ITGA9: variants seen among roughly 807,000 people sequenced by gnomAD.
ITGA9 encodes the protein integrin alpha-9.
ITGA9 carries 56 observed loss-of-function variants against 127.8 expected under a neutral mutation model. The observed-to-expected ratio is 0.44, with a 90% CI of 0.35 to 0.55. The LOEUF is 0.55. ITGA9 is among the 20% of genes least tolerant of loss of function. The probability of loss-of-function intolerance (pLI) is 0.00; values close to 1 mark genes in which losing one functional copy is unlikely to be tolerated. For synonymous variants in ITGA9, 508 were observed against 514.5 expected, an observed-to-expected ratio of 0.99 and a Z score of 0.17; for missense variants, 1,196 against 1,347.1, an observed-to-expected ratio of 0.89 and a Z score of 1.76.
chr3:37,513,388 G>C (rs1430329445), intron 8 of ITGA9, among the ~76,000 whole-genome samples: 2 of 152,082 alleles, frequency 1.3e-5, no homozygotes, highest in Non-Finnish European at 2.9e-5. Flanking sequence ...TCTGGTTTAG[G>C]GGGCAGCATA....
chr3:37,542,875 T>C (rs993480310), intron 15 of ITGA9, among the ~76,000 whole-genome samples: 6 of 152,120 alleles, frequency 3.9e-5, no homozygotes, highest in African/African-American at 1.4e-4. Flanking sequence ...CTCTCCCCTC[T>C]ATGAGGCTTG....
intron 17 of ITGA9, among the ~76,000 whole-genome samples, chr3:37,659,824 A>G (rs949632473): frequency 5.9e-5 from 9 of 152,014 alleles, no homozygotes; most frequent in Non-Finnish European, 2.9e-5. Context: ...GGATTTATCT[A>G]CCTTTGGTCT....
In ITGA9 at chr3:37,732,813, C is replaced by T. The variant is rs58228096; in HGVS notation, c.2154+15C>T. 383,784 of 1,584,678 alleles carry T rather than the reference C, an allele frequency of 0.24. 47,900 individuals are homozygous for T. Among genetic ancestry groups the T allele is most frequent in the African/African-American group, 0.37 (27,478 of 74,518 alleles). ...CAAAGTCAAAGGTAAGGGACACAGA[C>T]GGGACCCTTCCTCAGCAGCAGGCCC... On this transcript the variant is annotated intron_variant, in intron 19 of 27. Transcript: ENST00000264741.
At chr3:37,555,299 A>T (rs990676052) in intron 15 of ITGA9, among the ~76,000 whole-genome samples, 1 of 152,346 alleles carries the variant, frequency 6.6e-6, no homozygotes, top group South Asian at 2.1e-4. Context: ...TCCTATCACT[A>T]TAGAGTTTTG....
In ITGA9 at chr3:37,721,149, T is replaced by G. The variant is rs528704394; in HGVS notation, c.2068-11563T>G. 5.2e-5 allele frequency among the ~76,000 whole-genome samples: 7 copies of G among 133,610 alleles called. 1 individual carries two copies. In the East Asian group the frequency reaches 1.1e-3, roughly 22 times the overall value. The allele number at this position is 133,610 out of a possible 152,430, so 87.7% of individuals were successfully genotyped here. On this transcript the variant is annotated intron_variant, in intron 18 of 27. Coordinates refer to ENST00000264741, the MANE Select transcript of ITGA9 (RefSeq NM_002207.3). ...TTTTTTTTTTTTTTTTAAGAAAAAA[T>G]CTCACTGTGGCACCCAGGCTGGAGT...
intron 16 of ITGA9, among the ~76,000 whole-genome samples, chr3:37,635,599 C>T (rs1700269857): frequency 6.7e-6 from 1 of 149,196 alleles, no homozygotes; most frequent in Admixed American, 6.8e-5. Context: ...TTATTTTTTT[C>T]CTAAATTTCT....
intron 18 of ITGA9, among the ~76,000 whole-genome samples, chr3:37,723,245 C>T (rs1701211073): frequency 6.6e-6 from 1 of 152,166 alleles, no homozygotes; most frequent in Non-Finnish European, 1.5e-5. Flanking sequence ...AAAATATTCT[C>T]ATCCTGTGGA....
intron 10 of ITGA9, among the ~76,000 whole-genome samples, 174 bp from the exon 11 acceptor site, chr3:37,519,086 C>CTTT (rs11457089): frequency 5.7e-5 from 8 of 141,346 alleles, no homozygotes; most frequent in Admixed American, 3.5e-4. Context: ...CACTGGCCTA[C>CTTT]TTTTTTTTTT....
At chr3:37,759,649 C>A (rs1696699958) in intron 23 of ITGA9, among the ~76,000 whole-genome samples, 1 of 152,074 alleles carries the variant, frequency 6.6e-6, no homozygotes, top group Admixed American at 6.5e-5. Context: ...TGCCTGTAAT[C>A]CCAGCACTTT....
chr3:37,768,118 T>C (rs974451297), intron 23 of ITGA9, among the ~76,000 whole-genome samples: 3 of 152,202 alleles, frequency 2.0e-5, no homozygotes, highest in Admixed American at 6.5e-5. Context: ...TTCATTAATA[T>C]TATTATATTT....
chr3:37,520,199 G>A (rs999337677), intron 11 of ITGA9, among the ~76,000 whole-genome samples: 1 of 152,166 alleles, frequency 6.6e-6, no homozygotes, highest in Non-Finnish European at 1.5e-5. Context: ...GTTAAGGGTG[G>A]AGGGTTGGTT....
At chr3:37,714,204 A>C (rs1220112576) in intron 18 of ITGA9, among the ~76,000 whole-genome samples, 1 of 152,238 alleles carries the variant, frequency 6.6e-6, no homozygotes, top group Non-Finnish European at 1.5e-5. Context: ...TAAGGTGGGA[A>C]GTATAAGACC....
chr3:37,530,717 G>GTTTTTTTTTTTTTTTT (rs71094916), intron 13 of ITGA9, among the ~76,000 whole-genome samples: 1 of 86,240 alleles, frequency 1.2e-5, no homozygotes, highest in Non-Finnish European at 2.1e-5. Context: ...CAGCTACCAG[G>GTTTTTTTTTTTTTTTT]TTTTTTTTTT....
intron 15 of ITGA9, among the ~76,000 whole-genome samples, chr3:37,575,038 G>A (rs1296463041): frequency 6.6e-6 from 1 of 152,146 alleles, no homozygotes; most frequent in Admixed American, 6.5e-5. Flanking sequence ...TAGGGTGGGA[G>A]CAGCTATACA....
At chr3:37,723,102 C>T (rs1701208685) in intron 18 of ITGA9, among the ~76,000 whole-genome samples, 1 of 152,118 alleles carries the variant, frequency 6.6e-6, no homozygotes, top group East Asian at 1.9e-4. Flanking sequence ...GATTATTGGC[C>T]ATCTGTATGT....
At chr3:37,533,197 T>C (rs1699173843) in intron 13 of ITGA9, 117 bp from the exon 14 acceptor site, 2 of 967,730 alleles carry the variant, frequency 2.1e-6, no homozygotes, top group African/African-American at 1.6e-5. Context: ...GGATATTTCA[T>C]GCTTTAATTA....
intron 17 of ITGA9, among the ~76,000 whole-genome samples, chr3:37,677,188 G>T (rs181439615): frequency 6.2e-4 from 94 of 152,246 alleles, no homozygotes; most frequent in Non-Finnish European, 1.0e-3. Flanking sequence ...ATTCCCTGTA[G>T]CTTAATTAAC....
At chr3:37,488,794 T>C (rs1229043066) in intron 4 of ITGA9, among the ~76,000 whole-genome samples, 1 of 148,368 alleles carries the variant, frequency 6.7e-6, no homozygotes, top group East Asian at 1.9e-4. Flanking sequence ...TGAGACTCTG[T>C]CTCAAAAAAA....
At chr3:37,520,105 T>C (rs1394860703) in intron 11 of ITGA9, among the ~76,000 whole-genome samples, 3 of 152,226 alleles carry the variant, frequency 2.0e-5, no homozygotes, top group African/African-American at 7.2e-5. Context: ...CATATGTATT[T>C]GTATTTTAAT....
Sources: allele counts gnomAD v4.1 joint callset (sites outside exome capture counted in the v4.1 genomes callset), GRCh38; gene constraint gnomAD v4.1.1; transcripts MANE v1.5; gene names NCBI Gene and HGNC (gene_info 2026-07-23, HGNC 2026-07-21).